Variants in NUDC observed in about 807,000 individuals in gnomAD.
NUDC encodes the protein nuclear distribution C, dynein complex regulator, also known as nuclear migration protein nudC.
A neutral mutation model predicts 45.0 loss-of-function variants in NUDC; 14 were observed. The observed-to-expected ratio is 0.31, with a 90% confidence interval of 0.21 to 0.49. The LOEUF is 0.49. Ranked by LOEUF, NUDC falls within the 20% of genes least tolerant of loss-of-function variation. The pLI is 0.99. For synonymous variants in NUDC, 153 were observed against 156.7 expected (o/e 0.98, Z 0.17); for missense variants, 323 against 426.2 (o/e 0.76, Z 2.13).
chr1:26,936,134 AATATATATATAT>A (rs1215586103), intron 2 of NUDC, among the ~76,000 whole-genome samples: 28 of 6,812 alleles, frequency 4.1e-3, no homozygotes, highest in East Asian at 0.014. Context: ...ACGCCCGGCT[AATATATATATAT>A]ATATATATAT....
upstream of NUDC, among the ~76,000 whole-genome samples, chr1:26,918,327 C>A (rs939525977): frequency 4.0e-5 from 6 of 149,168 alleles, no homozygotes; most frequent in Non-Finnish European, 7.5e-5. Context: ...TCACCCAGGC[C>A]CAGAGGCCCA....
At chr1:26,931,720 A>G (rs1197471665) in intron 2 of NUDC, among the ~76,000 whole-genome samples, 1 of 149,248 alleles carries the variant, frequency 6.7e-6, no homozygotes, top group African/African-American at 2.5e-5. Flanking sequence ...CAGAGGTTGC[A>G]GTGAGCCAAG....
chr1:26,914,260 C>A (rs996845516), intron 3 of NUDC, among the ~76,000 whole-genome samples: 1 of 152,214 alleles, frequency 6.6e-6, no homozygotes, highest in African/African-American at 2.4e-5. Context: ...GTCATTAACT[C>A]AGGCTGTACC....
At chr1:26,906,130 A>G (rs1285615640) in intron 2 of NUDC, among the ~76,000 whole-genome samples, 1 of 152,156 alleles carries the variant, frequency 6.6e-6, no homozygotes, top group Non-Finnish European at 1.5e-5. Flanking sequence ...AAAATACACA[A>G]TTAGCAGGGC....
upstream of NUDC, among the ~76,000 whole-genome samples, chr1:26,916,894 G>C (rs1179138607): frequency 6.6e-6 from 1 of 152,188 alleles, no homozygotes; most frequent in East Asian, 1.9e-4. Flanking sequence ...GGGCAAGGCT[G>C]CAGTGAGCTG....
chr1:26,920,029 C>G (rs960182363), upstream of NUDC, among the ~76,000 whole-genome samples: 1 of 152,050 alleles, frequency 6.6e-6, no homozygotes, highest in Admixed American at 6.6e-5. Context: ...AGTCTCTAGT[C>G]TGAAGTGGGG....
Position 26,942,742 on chromosome 1 carries a change from A to G in NUDC, c.512A>G (p.Asn171Ser), listed in dbSNP as rs748594186. Residue 171 changes from asparagine to serine, a missense_variant, in exon 5 of 9, where the codon AAT becomes AGT. Asn to Ser is a conservative substitution (Grantham distance 46, BLOSUM62 1). Transcript: ENST00000321265. ...CTAGGCAACGGGGCAGACCTGCCCA[A>G]TTACCGCTGGACCCAGACCCTGTCG... ...PNLGNGADLP[N>S]YRWTQTLSEL... 5.0e-6 allele frequency: 8 copies of G among 1,614,106 alleles called. No individual in the cohort carries two copies. The highest frequency in any genetic ancestry group is 2.2e-5 in the East Asian group (1 of 44,898).
chr1:26,917,048 A>T (rs545245637), upstream of NUDC, among the ~76,000 whole-genome samples: 2 of 152,190 alleles, frequency 1.3e-5, no homozygotes, highest in Non-Finnish European at 2.9e-5. Flanking sequence ...ACCTGAGGTC[A>T]GGAGTTCGAG....
At chr1:26,911,570 A>C in intron 3 of NUDC, 1 of 485,504 alleles carries the variant, frequency 2.1e-6, no homozygotes. Flanking sequence ...TCCAATAAGC[A>C]GCCTAAGCTT....
At position 26,938,205 on chromosome 1, in the gene NUDC, A is replaced by G. The variant is rs377581111; in HGVS notation, c.160-3252A>G. Reference sequence around the variant, plus strand: ...CCACAACCCTGGGGTTATCTGTCTGAGGCTGGGCCTAGGTCAGGCTGATGG... The same window carrying G: ...CCACAACCCTGGGGTTATCTGTCTGGGGCTGGGCCTAGGTCAGGCTGATGG... On this transcript the variant is annotated intron_variant, in intron 2 of 8. Coordinates refer to ENST00000321265, the MANE Select transcript of NUDC (RefSeq NM_006600.4). 1.9e-4 allele frequency among the ~76,000 whole-genome samples: 29 copies of G among 152,250 alleles called. No individual in the cohort carries two copies. In the East Asian group the frequency reaches 3.5e-3, roughly 18 times the overall value.
chr1:26,911,718 TA>T, intron 3 of NUDC: 1 of 1,108,524 alleles, frequency 9.0e-7, no homozygotes, highest in Non-Finnish European at 1.4e-6. Context: ...GAGCTGTTCC[TA>T]AGGAGCCAAG....
intron 2 of NUDC, among the ~76,000 whole-genome samples, chr1:26,927,264 CGTGTGTGTGTGTGTGT>C (rs60238934): frequency 1.7e-4 from 16 of 91,804 alleles, no homozygotes; most frequent in Admixed American, 3.3e-4. Context: ...AGAGATGAAC[CGTGTGTGTGTGTGTGT>C]GTGTGTGTGT....
chr1:26,903,142 C>A (rs903924512), intron 2 of NUDC, among the ~76,000 whole-genome samples: 3 of 152,034 alleles, frequency 2.0e-5, no homozygotes, highest in African/African-American at 7.2e-5. Context: ...TAGCTACAGT[C>A]TTTTTAAGTG....
Position 26,925,267 on chromosome 1 carries a change from G to A in NUDC, c.159+1101G>A, listed in dbSNP as rs183802034. 2.4e-4 allele frequency among the ~76,000 whole-genome samples: 36 copies of A among 151,466 alleles called. No homozygotes were observed. The East Asian group carries it at 6.2e-3, about 26-fold the overall frequency. ...TAGAAATAAATTTAGAAGGCCGGGC[G>A]CGGTGGCTCACGCCTGTAATCCCAG... is the stretch of plus-strand genomic sequence containing the variant. On this transcript the variant is annotated intron_variant, in intron 2 of 8. Coordinates refer to ENST00000321265, the MANE Select transcript of NUDC (RefSeq NM_006600.4).
At chr1:26,904,199 T>G (rs1312427952) in intron 2 of NUDC, among the ~76,000 whole-genome samples, 8 of 142,174 alleles carry the variant, frequency 5.6e-5, no homozygotes, top group African/African-American at 7.9e-5. Context: ...TTTTTTTTTT[T>G]GTCACCCAGG....
At position 26,913,560 on chromosome 1, in the gene NUDC, G is replaced by A. The variant is rs1379010005; in HGVS notation, c.93+2325G>A. ...GCAGTTGGCCACTGCCTCCACTGCTGCTGGGCTCCTCCAGCAGAATCTTCT... is the reference window on the plus strand; with the variant it reads ...GCAGTTGGCCACTGCCTCCACTGCTACTGGGCTCCTCCAGCAGAATCTTCT... On this transcript the variant is annotated intron_variant, in intron 3 of 6. Transcript: ENST00000435827. 3 of 1,614,120 alleles carry A rather than the reference G, an allele frequency of 1.9e-6. 1 individual carries two copies. The Admixed American group carries it at 5.0e-5, about 27-fold the overall frequency.
intron 2 of NUDC, among the ~76,000 whole-genome samples, chr1:26,930,098 A>G (rs560706428): frequency 6.6e-6 from 1 of 152,302 alleles, no homozygotes; most frequent in East Asian, 1.9e-4. Context: ...AAGCATACCA[A>G]TTCTTTAAAT....
At position 26,929,912 on chromosome 1, in the gene NUDC, T is replaced by A. The variant is rs537444216; in HGVS notation, c.159+5746T>A. On this transcript the variant is annotated intron_variant, in intron 2 of 8. Transcript: ENST00000321265. ...GGTGGTAGGCGCCTGTAATCCCAGC[T>A]ACTCGGGAGGCTGAGGCAGGAGAAT... Among the ~76,000 whole-genome samples, 7 of 152,078 alleles carry A rather than the reference T, an allele frequency of 4.6e-5. No individual in the cohort carries two copies. In the East Asian group the frequency reaches 1.4e-3, roughly 29 times the overall value.
At chr1:26,932,631 CATTTTTAAGTGT>C (rs2082192970) in intron 2 of NUDC, among the ~76,000 whole-genome samples, 1 of 152,002 alleles carries the variant, frequency 6.6e-6, no homozygotes, top group African/African-American at 2.4e-5. Flanking sequence ...CCATGTTAAC[CATTTTTAAGTGT>C]ACAGTTCAGT....
Sources: gnomAD v4.1 joint callset for allele counts (sites outside exome capture counted in the v4.1 genomes callset) on GRCh38, gnomAD v4.1.1 for gene constraint, MANE v1.5 for transcripts, NCBI Gene and HGNC (gene_info 2026-07-23, HGNC 2026-07-21) for gene names.